Variants in DLG2 observed in about 807,000 individuals in gnomAD.
The protein encoded by DLG2 is disks large homolog 2.
A neutral mutation model predicts 132.5 loss-of-function variants in DLG2; 45 were observed. That is an observed-to-expected ratio of 0.34 (90% CI 0.27 to 0.44). The LOEUF is 0.44. DLG2 is among the 20% of genes least tolerant of loss of function. The probability of loss-of-function intolerance (pLI) is 1.00; values close to 1 mark genes in which losing one functional copy is unlikely to be tolerated. For synonymous variants in DLG2, 424 were observed against 419.6 expected (o/e 1.01, Z -0.13); for missense variants, 1,045 against 1,196.9 (o/e 0.87, Z 1.87).
chr11:85,003,382 A>T (rs2058376879), intron 6 of DLG2, among the ~76,000 whole-genome samples: 1 of 152,174 alleles, frequency 6.6e-6, no homozygotes, highest in African/African-American at 2.4e-5. Context: ...AGGTGACATA[A>T]TTACAATAAA....
At chr11:83,591,061 T>C (rs553035132) in intron 19 of DLG2, among the ~76,000 whole-genome samples, 1 of 152,212 alleles carries the variant, frequency 6.6e-6, no homozygotes, top group East Asian at 1.9e-4. Context: ...CTATCAGAGG[T>C]ACAAGGAGGA....
chr11:84,724,579 C>T (rs1033612022), intron 6 of DLG2, among the ~76,000 whole-genome samples: 1 of 152,052 alleles, frequency 6.6e-6, no homozygotes, highest in Non-Finnish European at 1.5e-5. Flanking sequence ...CTGCAAAAAA[C>T]CTTTTACCAG....
chr11:83,681,564 C>T (rs941876022), intron 18 of DLG2, among the ~76,000 whole-genome samples: 4 of 152,136 alleles, frequency 2.6e-5, no homozygotes, highest in Non-Finnish European at 5.9e-5. Flanking sequence ...TCAACAGGCA[C>T]GCCAAATGCA....
At chr11:85,376,098 C>T (rs1208537632) in intron 3 of DLG2, among the ~76,000 whole-genome samples, 1 of 152,130 alleles carries the variant, frequency 6.6e-6, no homozygotes, top group Non-Finnish European at 1.5e-5. Flanking sequence ...CTATACCAGA[C>T]AGTCTACGAA....
intron 7 of DLG2, among the ~76,000 whole-genome samples, chr11:84,506,755 G>A (rs552396098): frequency 4.6e-5 from 7 of 152,244 alleles, no homozygotes; most frequent in African/African-American, 9.6e-5. Flanking sequence ...ATTATAGAGC[G>A]AATAATATTT....
At chr11:83,463,142 T>A (rs188719299) in intron 26 of DLG2, among the ~76,000 whole-genome samples, 1 of 152,318 alleles carries the variant, frequency 6.6e-6, no homozygotes, top group East Asian at 1.9e-4. Context: ...TAAGGCTGTG[T>A]ATTTAACGAA....
intron 19 of DLG2, among the ~76,000 whole-genome samples, chr11:83,626,915 T>C (rs1162584091): frequency 1.3e-5 from 2 of 152,122 alleles, no homozygotes; most frequent in Non-Finnish European, 2.9e-5. Context: ...TCAGGCTTCA[T>C]GGGGTCCAGA....
chr11:83,664,585 G>A (rs1424016270), intron 18 of DLG2, among the ~76,000 whole-genome samples: 3 of 152,248 alleles, frequency 2.0e-5, no homozygotes, highest in Middle Eastern at 3.4e-3. Flanking sequence ...GAGGGAAAAC[G>A]AAACCACACT....
chr11:84,332,335 T>C (rs951236683), intron 7 of DLG2, among the ~76,000 whole-genome samples: 5 of 150,560 alleles, frequency 3.3e-5, no homozygotes, highest in Admixed American at 2.7e-4. Flanking sequence ...CCTCAGCCTC[T>C]AGAGTAGCTG....
At chr11:85,373,969 G>A (rs1009364201) in intron 3 of DLG2, among the ~76,000 whole-genome samples, 12 of 152,120 alleles carry the variant, frequency 7.9e-5, no homozygotes, top group Non-Finnish European at 8.8e-5. Context: ...CATGTAACAC[G>A]TCACTCTGCC....
At chr11:83,621,985 G>C (rs888081665) in intron 19 of DLG2, among the ~76,000 whole-genome samples, 3 of 152,134 alleles carry the variant, frequency 2.0e-5, no homozygotes, top group African/African-American at 7.2e-5. Context: ...CAAGATCTCA[G>C]CTCACTGCAA....
rs925019472 is a variant in DLG2 at position 84,836,442 on chromosome 11, G to C, written c.357+275219C>G. On this transcript the variant is annotated intron_variant, in intron 6 of 27. Coordinates refer to ENST00000376104, the MANE Select transcript of DLG2 (RefSeq NM_001142699.3). Reference sequence around the variant, plus strand: ...CCAGAAAACTGGGTTCAGAAAAATTGATAAAGTCATCCAAGGACACTCATA... The same window carrying C: ...CCAGAAAACTGGGTTCAGAAAAATTCATAAAGTCATCCAAGGACACTCATA... 3.3e-5 allele frequency among the ~76,000 whole-genome samples: 5 copies of C among 151,804 alleles called. No individual in the cohort carries two copies. In the East Asian group the frequency reaches 7.8e-4, roughly 24 times the overall value.
At chr11:84,977,676 T>A (rs184911857) in intron 6 of DLG2, among the ~76,000 whole-genome samples, 101 of 152,296 alleles carry the variant, frequency 6.6e-4, no homozygotes, top group African/African-American at 2.4e-3. Flanking sequence ...ATCAATTGTG[T>A]CCTTAAGTGT....
At chr11:85,154,699 A>C in intron 4 of DLG2, 48 bp from the exon 5 acceptor site, 1 of 909,740 alleles carries the variant, frequency 1.1e-6, no homozygotes, top group Non-Finnish European at 1.7e-6. Flanking sequence ...ATTTTCTGCA[A>C]TGTATATTGT....
intron 6 of DLG2, among the ~76,000 whole-genome samples, chr11:84,600,212 G>GAA (rs1202650050): frequency 7.3e-6 from 1 of 137,224 alleles, no homozygotes; most frequent in African/African-American, 3.1e-5. Flanking sequence ...AAGAAAGAAA[G>GAA]AAAGAAAGAA....
chr11:84,934,515 G>GGTTTTTTTTTTTTTTTT lies in DLG2; in HGVS notation c.357+177145_357+177146insAAAAAAAAAAAAAAAAC, dbSNP rs1566441569. Reference sequence around the variant, plus strand: ...GTATGGTCCTGGGTGTTTTTTTTTTGTTTTGTTTTGTTTTTTTTTTTTTTT... The same window carrying GGTTTTTTTTTTTTTTTT: ...GTATGGTCCTGGGTGTTTTTTTTTTGGTTTTTTTTTTTTTTTTTTTTGTTTTGTTTTTTTTTTTTTTT... On this transcript the variant is annotated intron_variant, in intron 6 of 27. Coordinates refer to ENST00000376104, the MANE Select transcript of DLG2 (RefSeq NM_001142699.3). 5.7e-4 allele frequency among the ~76,000 whole-genome samples: 23 copies of GGTTTTTTTTTTTTTTTT among 40,506 alleles called. 1 individual carries two copies. The highest frequency in any genetic ancestry group is 9.3e-4 in the South Asian group (1 of 1,080). The allele number at this position is 40,506 out of a possible 152,430, so 26.6% of individuals were successfully genotyped here.
chr11:85,347,419 AGCAAGACAATGCCT>A, intron 3 of DLG2, among the ~76,000 whole-genome samples: 1 of 152,278 alleles, frequency 6.6e-6, no homozygotes, highest in South Asian at 2.1e-4. Flanking sequence ...TGGACTTTTT[AGCAAGACAATGCCT>A]GCCTGTTGGG....
chr11:85,217,318 T>TCTCACACACACACACA (rs370686252), intron 4 of DLG2, among the ~76,000 whole-genome samples: 1 of 143,930 alleles, frequency 6.9e-6, no homozygotes, highest in African/African-American at 2.6e-5. Context: ...TCTCTCTCTC[T>TCTCACACACACACACA]CACACACACA....
At chr11:84,726,670 A>G (rs2062504191) in intron 6 of DLG2, among the ~76,000 whole-genome samples, 2 of 152,218 alleles carry the variant, frequency 1.3e-5, no homozygotes, top group African/African-American at 2.4e-5. Flanking sequence ...CTGGTTCTAG[A>G]TCCTTGAGGA....
Sources: gnomAD v4.1 joint callset for allele counts (sites outside exome capture counted in the v4.1 genomes callset) on GRCh38, gnomAD v4.1.1 for gene constraint, MANE v1.5 for transcripts, NCBI Gene and HGNC (gene_info 2026-07-23, HGNC 2026-07-21) for gene names.